Variants in CCDC12 observed in about 807,000 individuals in gnomAD.
The protein encoded by CCDC12 is coiled-coil domain containing 12.
In CCDC12, 28 loss-of-function variants were observed where a neutral mutation model predicts 25.7. The ratio of observed to expected loss-of-function variants is 1.09; its 90% confidence interval spans 0.81 to 1.50. The LOEUF (loss-of-function observed/expected upper bound fraction) is 1.50. CCDC12 is among the 40% of genes most tolerant of loss of function. CCDC12 has a pLI of 0.00. For missense variants in CCDC12, 198 were observed against 210.0 expected (o/e 0.94, Z 0.35); for synonymous variants, 75 against 87.7 (o/e 0.86, Z 0.81).
intron 1 of CCDC12, 67 bp downstream of exon 1, chr3:46,976,570 C>T: frequency 1.3e-6 from 2 of 1,557,802 alleles, no homozygotes; most frequent in Non-Finnish European, 1.7e-6. Flanking sequence ...CCTTTGCTCT[C>T]CTCAAGCGCG....
In CCDC12 at chr3:46,941,345, G is replaced by C. The variant is rs1010879901; in HGVS notation, c.97-280C>G. ...CAGGAGGCCGAGGTGGGCGGATCTC[G>C]AGGTCAGGAGATCGCAACCATCCTG... On this transcript the variant is annotated intron_variant, in intron 1 of 6. Transcript: ENST00000683445. Among the ~76,000 whole-genome samples, 3 of 152,170 alleles carry C rather than the reference G, an allele frequency of 2.0e-5. No homozygotes were observed. In the East Asian group the frequency reaches 5.8e-4, roughly 29 times the overall value.
chr3:46,963,136 G>A (rs1236719326), intron 1 of CCDC12, among the ~76,000 whole-genome samples: 3 of 152,174 alleles, frequency 2.0e-5, no homozygotes, highest in Admixed American at 6.5e-5. Context: ...GCAACTTCTC[G>A]TGTTACAAGT....
chr3:46,944,361 C>A lies in CCDC12; in HGVS notation c.97-3296G>T, dbSNP rs374298371. On this transcript the variant is annotated intron_variant, in intron 1 of 6. Coordinates refer to ENST00000683445, the MANE Select transcript of CCDC12 (RefSeq NM_001277074.2). ...GCTCTGATTCTACCCGCCTCTCCTG[C>A]GCTCCCCACACAGTTCAGACCTGGT... Among the ~76,000 whole-genome samples the A allele has an allele frequency of 3.2e-3, 492 of 152,202 alleles. 3 individuals are homozygous for A. The highest frequency in any genetic ancestry group is 0.012 in the Admixed American group (178 of 15,292).
chr3:46,965,719 TG>T (rs2034616994), intron 1 of CCDC12, among the ~76,000 whole-genome samples: 1 of 152,218 alleles, frequency 6.6e-6, no homozygotes, highest in Non-Finnish European at 1.5e-5. Context: ...CCCATCCCTC[TG>T]GCTCCATCTC....
At chr3:46,971,782 C>A (rs1245113765) in intron 1 of CCDC12, among the ~76,000 whole-genome samples, 1 of 152,196 alleles carries the variant, frequency 6.6e-6, no homozygotes, top group Non-Finnish European at 1.5e-5. Context: ...AGGAAACCAG[C>A]AAGATGCCAT....
chr3:46,962,371 T>C (rs1277975334), intron 1 of CCDC12, among the ~76,000 whole-genome samples: 1 of 136,190 alleles, frequency 7.3e-6, no homozygotes, highest in Admixed American at 8.8e-5. Context: ...GAGGCGGAGA[T>C]TGCAGTGAGC....
chr3:46,928,541 A>G (rs2033073167), intron 2 of CCDC12, among the ~76,000 whole-genome samples: 1 of 149,406 alleles, frequency 6.7e-6, no homozygotes, highest in Non-Finnish European at 1.5e-5. Context: ...GCCTGGAGAG[A>G]AAAAAAAAAG....
upstream of CCDC12, among the ~76,000 whole-genome samples, chr3:46,978,582 G>A (rs66564457): frequency 0.5 from 72,961 of 146,916 alleles, 19,271 homozygotes; most frequent in Non-Finnish European, 0.58. Context: ...AGGGGGCACG[G>A]GGTGATGGTG....
At chr3:46,942,594 T>G (rs1305942157) in intron 1 of CCDC12, among the ~76,000 whole-genome samples, 6 of 152,226 alleles carry the variant, frequency 3.9e-5, no homozygotes, top group Admixed American at 6.5e-5. Context: ...AACCAGACCC[T>G]GCCATTCCTT....
chr3:46,977,001 C>T (rs72907946), upstream of CCDC12: 14,903 of 532,408 alleles, frequency 0.028, 1,810 homozygotes, highest in African/African-American at 0.26. Flanking sequence ...TCGATTTATC[C>T]AACGCTGATC....
chr3:46,960,389 AGAT>A (rs1216613505), intron 1 of CCDC12, among the ~76,000 whole-genome samples: 5 of 152,234 alleles, frequency 3.3e-5, no homozygotes, highest in African/African-American at 1.2e-4. Context: ...TGCTTTAACC[AGAT>A]GATGTCAAAC....
intron 2 of CCDC12, among the ~76,000 whole-genome samples, chr3:46,934,660 G>A (rs765311488): frequency 6.6e-5 from 10 of 152,076 alleles, no homozygotes; most frequent in Non-Finnish European, 1.0e-4. Context: ...ATGGTGAGTC[G>A]GCTTCACCAT....
upstream of CCDC12, among the ~76,000 whole-genome samples, chr3:46,977,835 G>A (rs976364756): frequency 2.0e-5 from 3 of 152,160 alleles, no homozygotes; most frequent in Admixed American, 6.5e-5. Context: ...GGGTGGCCTC[G>A]ACTGCAAGTC....
At chr3:46,976,980 A>G (rs1485202224), upstream of CCDC12, 4 of 593,214 alleles carry the variant, frequency 6.7e-6, no homozygotes, top group Non-Finnish European at 1.1e-5. Flanking sequence ...GAAAAAAAAA[A>G]AAGCTAAGGC....
intron 2 of CCDC12, among the ~76,000 whole-genome samples, chr3:46,939,940 G>A (rs987031931): frequency 3.3e-5 from 5 of 151,810 alleles, no homozygotes; most frequent in African/African-American, 7.3e-5. Context: ...CTCCCCTCCC[G>A]CTCCCCCTGG....
intron 1 of CCDC12, among the ~76,000 whole-genome samples, chr3:46,969,074 G>A (rs1043348275): frequency 6.6e-6 from 1 of 152,164 alleles, no homozygotes; most frequent in African/African-American, 2.4e-5. Flanking sequence ...GATGTAGATA[G>A]AGGCAACTTC....
intron 5 of CCDC12, 189 bp from the exon 6 acceptor site, chr3:46,922,501 G>A: frequency 4.8e-6 from 3 of 628,394 alleles, no homozygotes; most frequent in South Asian, 1.9e-5. Context: ...ATCATTCCCT[G>A]TCCCACTGAG....
At chr3:46,959,723 A>C (rs1434003727) in intron 1 of CCDC12, among the ~76,000 whole-genome samples, 2 of 152,168 alleles carry the variant, frequency 1.3e-5, no homozygotes, top group Non-Finnish European at 2.9e-5. Flanking sequence ...GTGGCAAGGA[A>C]GAAGGGCCTT....
chr3:46,971,613 T>C (rs2034804905), intron 1 of CCDC12, among the ~76,000 whole-genome samples: 1 of 142,308 alleles, frequency 7.0e-6, no homozygotes, highest in South Asian at 2.4e-4. Context: ...GGACCCTGAA[T>C]TGTCTTAATA....
Sources: allele counts gnomAD v4.1 joint callset (sites outside exome capture counted in the v4.1 genomes callset), GRCh38; gene constraint gnomAD v4.1.1; transcripts MANE v1.5; gene names NCBI Gene and HGNC (gene_info 2026-07-23, HGNC 2026-07-21).